The following NUP54 variants were observed in gnomAD, a reference collection of about 807,000 sequenced individuals.
The protein encoded by NUP54 is nucleoporin p54.
In NUP54, 27 loss-of-function variants were observed where a neutral mutation model predicts 66.4. The observed-to-expected ratio is 0.41, with a 90% CI of 0.30 to 0.56. NUP54 has a LOEUF of 0.56. Among genes scored for constraint, NUP54 ranks in the 20% least tolerant of loss-of-function variants. The probability of loss-of-function intolerance (pLI) is 0.34; values close to 1 mark genes in which losing one functional copy is unlikely to be tolerated. For synonymous variants in NUP54, 206 were observed against 210.7 expected (o/e 0.98, Z 0.19); for missense variants, 486 against 596.3 (o/e 0.82, Z 1.93).
intron 9 of NUP54, 44 bp downstream of exon 9, chr4:76,124,605 C>T: frequency 5.0e-6 from 4 of 802,156 alleles, no homozygotes; most frequent in Non-Finnish European, 8.5e-6. Flanking sequence ...TTATTTCACA[C>T]ACATAGTCTT....
intron 1 of NUP54, 65 bp downstream of exon 1, chr4:76,148,243 G>T: frequency 8.9e-7 from 1 of 1,128,526 alleles, no homozygotes; most frequent in Non-Finnish European, 1.2e-6. Flanking sequence ...GGAGAGTCTC[G>T]GACAGAGGGG....
In NUP54 at chr4:76,133,000, C is replaced by T. The variant is rs370773056; in HGVS notation, c.711-281G>A. 1.3e-4 allele frequency among the ~76,000 whole-genome samples: 20 copies of T among 150,986 alleles called. 1 individual carries two copies. Among genetic ancestry groups the T allele is most frequent in the African/African-American group, 4.9e-4 (20 of 41,174 alleles). On this transcript the variant is annotated intron_variant, in intron 5 of 11. Transcript: ENST00000264883. ...GTAACTGAGAGTACAGCTGCACACC[C>T]GCTACGTTTAGCTTACATGTATGTG...
In NUP54 at chr4:76,131,250, T is replaced by A; in HGVS notation, c.942A>T (p.Val314=). The A allele has an allele frequency of 6.3e-7, 1 of 1,595,430 alleles. No homozygotes were observed. Among genetic ancestry groups the A allele is most frequent in the South Asian group, 1.1e-5 (1 of 88,264 alleles). ...VDPIIWEQAK[V]DNPDSEKLIP... is the part of the protein sequence containing the mutation. ...CTTACTTTTCAGAATCAGGGTTATC[T>A]ACCTTGGCCTGTTCCCAGATAATAG... Residue 314 remains valine, a synonymous_variant, in exon 7 of 12, where the codon GTA becomes GTT. Coordinates refer to ENST00000264883, the MANE Select transcript of NUP54 (RefSeq NM_017426.4).
At chr4:76,130,563 G>T in intron 8 of NUP54, 93 bp downstream of exon 8, 3 of 815,910 alleles carry the variant, frequency 3.7e-6, no homozygotes, top group Non-Finnish European at 4.1e-6. Context: ...TCCTGATTAA[G>T]ATAAAACAGT....
intron 1 of NUP54, chr4:76,147,616 T>C: frequency 7.8e-7 from 1 of 1,289,198 alleles, no homozygotes; most frequent in South Asian, 1.2e-5. Context: ...GGCGGTGGAG[T>C]TGGCAGTCTC....
intron 5 of NUP54, among the ~76,000 whole-genome samples, chr4:76,133,526 C>G (rs2109888305): frequency 6.6e-6 from 1 of 152,122 alleles, no homozygotes; most frequent in African/African-American, 2.4e-5. Flanking sequence ...CCAGGATGGC[C>G]TCGATCTCCT....
rs1198475376 is a variant in NUP54 at position 76,144,145 on chromosome 4, T to G, written c.295+4A>C. On this transcript the variant is annotated splice_donor_region_variant and intron_variant, in intron 3 of 11. Transcript: ENST00000264883. ...GTATTTGAAGCTGAAAACCTCATAC[T>G]TACTAGTTTGCTGCTGCTGCTGTGT... 7 of 1,611,592 alleles carry G rather than the reference T, an allele frequency of 4.3e-6. No individual in the cohort carries two copies. The highest frequency in any genetic ancestry group is 5.9e-6 in the Non-Finnish European group (7 of 1,178,974).
intron 8 of NUP54, among the ~76,000 whole-genome samples, chr4:76,130,297 C>G (rs1307422271): frequency 6.6e-6 from 1 of 151,994 alleles, no homozygotes; most frequent in Non-Finnish European, 1.5e-5. Context: ...TTAATTTTAT[C>G]AACATACAAT....
intron 3 of NUP54, among the ~76,000 whole-genome samples, chr4:76,143,529 G>T (rs1439866099): frequency 6.6e-6 from 1 of 152,180 alleles, no homozygotes; most frequent in Non-Finnish European, 1.5e-5. Flanking sequence ...GCTTGAACCT[G>T]GGAGGCGGAG....
chr4:76,145,982 C>G (rs60015167), intron 1 of NUP54: 1 of 316,796 alleles, frequency 3.2e-6, no homozygotes, highest in East Asian at 9.0e-5. Context: ...AAGTCACCCA[C>G]AGTACTAAGC....
Position 76,148,342 on chromosome 4 carries a change from G to A in NUP54, c.33C>T (p.Thr11=), listed in dbSNP as rs141116717. 2.3e-5 allele frequency: 35 copies of A among 1,547,082 alleles called. No homozygotes were observed. The highest frequency in any genetic ancestry group is 1.1e-4 in the South Asian group (9 of 81,516). Residue 11 remains threonine (T), a synonymous_variant, in exon 1 of 12, where the codon ACC becomes ACT. Transcript: ENST00000264883. Reference sequence around the variant, plus strand: ...CCGCGGTGGCTGCAGCGGTACCGGAGGTGCCCGAGGGAGCCCCAAAATTGA... The same window carrying A: ...CCGCGGTGGCTGCAGCGGTACCGGAAGTGCCCGAGGGAGCCCCAAAATTGA... MAFNFGAPSG[T]SGTAAATAAP... is the part of the protein sequence containing the mutation.
At chr4:76,138,559 C>T (rs1731133117) in intron 3 of NUP54, among the ~76,000 whole-genome samples, 1 of 152,208 alleles carries the variant, frequency 6.6e-6, no homozygotes, top group South Asian at 2.1e-4. Flanking sequence ...AGACAAGGTG[C>T]ATTAAACAAA....
chr4:76,138,790 G>C (rs1731142753), intron 3 of NUP54, among the ~76,000 whole-genome samples: 1 of 152,170 alleles, frequency 6.6e-6, no homozygotes, highest in Non-Finnish European at 1.5e-5. Context: ...GAGACAGAGA[G>C]AGGAAGATGA....
At chr4:76,124,558 A>T (rs1394011662) in intron 9 of NUP54, 91 bp downstream of exon 9, 1 of 463,140 alleles carries the variant, frequency 2.2e-6, no homozygotes, top group East Asian at 3.7e-5. Flanking sequence ...TCATTTTAGT[A>T]TTTTTTTTTC....
At chr4:76,118,253 G>A in intron 9 of NUP54, 59 bp from the exon 10 acceptor site, 1 of 1,465,864 alleles carries the variant, frequency 6.8e-7, no homozygotes, top group South Asian at 1.2e-5. Flanking sequence ...TATGCAAGTA[G>A]TAGTAGTACA....
intron 3 of NUP54, among the ~76,000 whole-genome samples, chr4:76,142,033 T>C (rs1275324868): frequency 6.6e-6 from 1 of 152,080 alleles, no homozygotes; most frequent in Non-Finnish European, 1.5e-5. Flanking sequence ...GTACACCCAA[T>C]GCCTGACATA....
intron 9 of NUP54, among the ~76,000 whole-genome samples, chr4:76,120,735 AT>A (rs892691489): frequency 2.0e-5 from 3 of 151,848 alleles, no homozygotes; most frequent in African/African-American, 7.3e-5. Context: ...CCAGGATCTC[AT>A]TTTTTTTCTT....
At chr4:76,118,423 T>C in intron 9 of NUP54, 2 of 448,164 alleles carry the variant, frequency 4.5e-6, no homozygotes, top group Non-Finnish European at 8.2e-6. Flanking sequence ...TCTTGCTCTG[T>C]CTCCCAGGCT....
At chr4:76,129,851 CGA>C (rs1314611576) in intron 8 of NUP54, among the ~76,000 whole-genome samples, 2 of 90,698 alleles carry the variant, frequency 2.2e-5, no homozygotes, top group African/African-American at 1.0e-4. Context: ...GGCGACAGAG[CGA>C]GAGACGTCTC....
Sources: allele counts gnomAD v4.1 joint callset (sites outside exome capture counted in the v4.1 genomes callset), GRCh38; gene constraint gnomAD v4.1.1; transcripts MANE v1.5; gene names NCBI Gene and HGNC (gene_info 2026-07-23, HGNC 2026-07-21).